Variants in POLR2B observed in about 807,000 individuals in gnomAD.
POLR2B encodes DNA-directed RNA polymerase II subunit RPB2.
POLR2B carries 57 observed loss-of-function variants against 144.6 expected under a neutral mutation model. The ratio of observed to expected loss-of-function variants is 0.39; its 90% CI spans 0.32 to 0.49. POLR2B has a LOEUF of 0.49. Among genes scored for constraint, POLR2B ranks in the 20% least tolerant of loss-of-function variants. The probability of loss-of-function intolerance (pLI) is 0.83; values close to 1 mark genes in which losing one functional copy is unlikely to be tolerated. For missense variants in POLR2B, 595 were observed against 1,467.4 expected (o/e 0.41, Z 9.71); for synonymous variants, 442 against 469.8 (o/e 0.94, Z 0.77).
At chr4:57,004,528 G>A (rs1046676088) in intron 7 of POLR2B, among the ~76,000 whole-genome samples, 1 of 151,926 alleles carries the variant, frequency 6.6e-6, no homozygotes, top group Admixed American at 6.6e-5. Flanking sequence ...CCCACCCCAC[G>A]CAGGCCAAAC....
intron 14 of POLR2B, 111 bp from the exon 15 acceptor site, chr4:57,016,907 TATATATAAATATATATGTATATTTA>T (rs1235089300): frequency 9.4e-5 from 23 of 244,128 alleles, no homozygotes; most frequent in Non-Finnish European, 1.7e-4. Flanking sequence ...AAACTATATA[TATATATAAATATATATGTATATTTA>T]ATATATAATA....
intron 13 of POLR2B, among the ~76,000 whole-genome samples, chr4:57,013,527 G>A (rs1560480983): frequency 6.9e-6 from 1 of 144,514 alleles, no homozygotes; most frequent in Non-Finnish European, 1.5e-5. Flanking sequence ...CTATGCAGTA[G>A]GTTGGCTGTA....
intron 10 of POLR2B, chr4:57,009,633 A>C (rs1723127436): frequency 6.6e-6 from 1 of 152,126 alleles, no homozygotes; most frequent in Non-Finnish European, 1.5e-5. Flanking sequence ...AATAGAATTG[A>C]TAGGGTATGT....
chr4:56,994,604 A>G, intron 4 of POLR2B, 43 bp from the exon 5 acceptor site: 1 of 1,468,310 alleles, frequency 6.8e-7, no homozygotes, highest in Non-Finnish European at 9.5e-7. Context: ...TTGTTTTAAC[A>G]GATACCCTAT....
Position 57,013,718 on chromosome 4 carries a change from A to C in POLR2B, c.1801-1784A>C, listed in dbSNP as rs115462664. ...CACACCCAGGTTTTGTTCATCACAC[A>C]GTGTGTATTATGTATTTAGCTCTGC... is the stretch of plus-strand genomic sequence containing the variant. On this transcript the variant is annotated intron_variant, in intron 13 of 24. Transcript: ENST00000314595. Among the ~76,000 whole-genome samples the C allele has an allele frequency of 3.3e-3, 500 of 152,208 alleles. 3 individuals are homozygous for C. The highest frequency in any genetic ancestry group is 0.011 in the African/African-American group (474 of 41,542).
chr4:56,988,329 T>TG (rs1274664603), intron 2 of POLR2B, among the ~76,000 whole-genome samples: 1 of 151,918 alleles, frequency 6.6e-6, no homozygotes, highest in Non-Finnish European at 1.5e-5. Flanking sequence ...TAGAAGGCTG[T>TG]GGGGAAAGGG....
chr4:56,992,560 A>AT (rs779373741), intron 3 of POLR2B, among the ~76,000 whole-genome samples: 8,029 of 85,570 alleles, frequency 0.094, 708 homozygotes, highest in East Asian at 0.36. Flanking sequence ...TGGCTTATCT[A>AT]TTTTTTTTTT....
At chr4:57,013,840 G>A (rs530490379) in intron 13 of POLR2B, among the ~76,000 whole-genome samples, 1 of 152,056 alleles carries the variant, frequency 6.6e-6, no homozygotes, top group East Asian at 1.9e-4. Flanking sequence ...GGGTGTGGTG[G>A]CTCATGCCTG....
At chr4:57,008,671 T>G (rs1353832674) in intron 10 of POLR2B, among the ~76,000 whole-genome samples, 2 of 152,226 alleles carry the variant, frequency 1.3e-5, no homozygotes, top group Admixed American at 1.3e-4. Context: ...ACTGCTGCTC[T>G]GTGGAAATGC....
intron 16 of POLR2B, among the ~76,000 whole-genome samples, chr4:57,020,179 G>A (rs1450412108): frequency 6.6e-6 from 1 of 152,118 alleles, no homozygotes; most frequent in Non-Finnish European, 1.5e-5. Flanking sequence ...GACTGCAGGC[G>A]CGTGCCACCA....
intron 23 of POLR2B, among the ~76,000 whole-genome samples, chr4:57,026,036 A>G (rs911365086): frequency 7.9e-5 from 12 of 152,142 alleles, no homozygotes; most frequent in African/African-American, 2.7e-4. Flanking sequence ...CAGGAGTCCA[A>G]GACCAGCCTG....
rs747483723 is a variant in POLR2B at position 56,986,347 on chromosome 4, T to A, written c.20-7T>A. ...TGCAAATGAGTACAATATTTTTGTT[T>A]TTACAGATATGCAATATGATGAGGA... is the stretch of plus-strand genomic sequence containing the variant. On this transcript the variant is annotated splice_polypyrimidine_tract_variant and splice_region_variant and intron_variant, in intron 1 of 24. Coordinates refer to ENST00000314595, the MANE Select transcript of POLR2B (RefSeq NM_000938.3). 2 of 1,590,476 alleles carry A rather than the reference T, an allele frequency of 1.3e-6. No individual in the cohort carries two copies. The highest frequency in any genetic ancestry group is 4.5e-5 in the East Asian group (2 of 44,716).
At position 57,014,949 on chromosome 4, in the gene POLR2B, C is replaced by A. The variant is rs184641671; in HGVS notation, c.1801-553C>A. Among the ~76,000 whole-genome samples, 7 of 152,124 alleles carry A rather than the reference C, an allele frequency of 4.6e-5. No individual in the cohort carries two copies. In the East Asian group the frequency reaches 1.3e-3, roughly 29 times the overall value. On this transcript the variant is annotated intron_variant, in intron 13 of 24. Transcript: ENST00000314595. ...AAATGCATTATGTAGTTTATACTTA[C>A]AACACATCTCAGTTCAGAATCGCCA...
At chr4:57,024,664 T>C (rs946578689) in intron 21 of POLR2B, among the ~76,000 whole-genome samples, 2 of 152,210 alleles carry the variant, frequency 1.3e-5, no homozygotes, top group African/African-American at 4.8e-5. Flanking sequence ...CAAGTTTATT[T>C]GTTCTAAATG....
At chr4:57,028,294 T>G (rs1356613559) in intron 23 of POLR2B, among the ~76,000 whole-genome samples, 1 of 152,184 alleles carries the variant, frequency 6.6e-6, no homozygotes, top group East Asian at 1.9e-4. Flanking sequence ...GTGTTCCATT[T>G]TATTTTACTT....
At chr4:57,021,673 G>A (rs1189917785) in intron 17 of POLR2B, among the ~76,000 whole-genome samples, 1 of 151,728 alleles carries the variant, frequency 6.6e-6, no homozygotes, top group Non-Finnish European at 1.5e-5. Flanking sequence ...TTGTTGTTTG[G>A]TATTTTTAGT....
chr4:57,016,742 AT>A (rs1443157434), intron 14 of POLR2B, among the ~76,000 whole-genome samples: 3 of 150,082 alleles, frequency 2.0e-5, no homozygotes, highest in Non-Finnish European at 3.0e-5. Context: ...TGTATGATAA[AT>A]TTAAAAAATT....
intron 7 of POLR2B, among the ~76,000 whole-genome samples, chr4:57,000,566 G>A (rs1304220108): frequency 6.6e-6 from 1 of 151,838 alleles, no homozygotes; most frequent in Admixed American, 6.6e-5. Flanking sequence ...CTGGACCATC[G>A]GAGAGTAAGT....
intron 1 of POLR2B, chr4:56,985,485 C>T: frequency 1.0e-6 from 1 of 984,676 alleles, no homozygotes; most frequent in Non-Finnish European, 1.2e-6. Context: ...CCTGCAACCT[C>T]TGTCTCCTGG....
Sources: allele counts gnomAD v4.1 joint callset (sites outside exome capture counted in the v4.1 genomes callset), GRCh38; gene constraint gnomAD v4.1.1; transcripts MANE v1.5; gene names NCBI Gene and HGNC (gene_info 2026-07-23, HGNC 2026-07-21).